LPAR1: variants seen among roughly 807,000 people sequenced by gnomAD.
LPAR1 encodes lysophosphatidic acid receptor 1, also known as LPA receptor 1.
Under a neutral mutation model 23.8 loss-of-function variants are expected in LPAR1, and 5 were observed. The ratio of observed to expected loss-of-function variants is 0.21; its 90% CI spans 0.11 to 0.44. LPAR1 has a LOEUF of 0.44. LPAR1 is among the 20% of genes least tolerant of loss of function. LPAR1 has a pLI of 0.99. For missense variants in LPAR1, 311 were observed against 482.8 expected (o/e 0.64, Z 3.33); for synonymous variants, 160 against 164.7 (o/e 0.97, Z 0.22).
intron 2 of LPAR1, among the ~76,000 whole-genome samples, chr9:110,980,122 C>G (rs932488992): frequency 6.6e-6 from 1 of 151,992 alleles, no homozygotes; most frequent in Middle Eastern, 3.2e-3. Context: ...AAATCATGAC[C>G]TAACTATACT....
intron 2 of LPAR1, among the ~76,000 whole-genome samples, chr9:111,007,806 A>G (rs563933846): frequency 6.6e-6 from 1 of 152,330 alleles, no homozygotes; most frequent in East Asian, 1.9e-4. Context: ...CTGTGCTAAC[A>G]TACCTATTGA....
chr9:110,910,278 T>C (rs1588269133), intron 5 of LPAR1, among the ~76,000 whole-genome samples: 2 of 152,270 alleles, frequency 1.3e-5, no homozygotes, highest in African/African-American at 4.8e-5. Context: ...TTAAGAATTA[T>C]ACTAGATCTA....
At position 110,974,043 on chromosome 9, in the gene LPAR1, C is replaced by T. The variant is rs2096492655; in HGVS notation, c.-181-485G>A. Among the ~76,000 whole-genome samples the T allele has an allele frequency of 2.6e-5, 4 of 152,046 alleles. No individual in the cohort carries two copies. The South Asian group carries it at 8.3e-4, about 31-fold the overall frequency. On this transcript the variant is annotated intron_variant, in intron 2 of 5. Coordinates refer to ENST00000683809, the MANE Select transcript of LPAR1 (RefSeq NM_001351411.2). ...AAAATTAGCTGGGCGTGGTGGCACACACCTACTCAGGAGGCTGAGGCAGGA... is the reference window on the plus strand; with the variant it reads ...AAAATTAGCTGGGCGTGGTGGCACATACCTACTCAGGAGGCTGAGGCAGGA...
intron 4 of LPAR1, among the ~76,000 whole-genome samples, chr9:110,953,286 G>A (rs1290830460): frequency 3.3e-5 from 5 of 152,092 alleles, no homozygotes; most frequent in Non-Finnish European, 5.9e-5. Flanking sequence ...TGAGGCTCAG[G>A]ACTGACCCAT....
intron 2 of LPAR1, among the ~76,000 whole-genome samples, chr9:111,005,715 C>T (rs2097207486): frequency 6.6e-6 from 1 of 152,086 alleles, no homozygotes; most frequent in African/African-American, 2.4e-5. Flanking sequence ...TCCTAGAAAA[C>T]ATCATGTTAC....
chr9:111,033,613 A>T (rs1274137184), intron 2 of LPAR1, among the ~76,000 whole-genome samples: 1 of 152,128 alleles, frequency 6.6e-6, no homozygotes, highest in Non-Finnish European at 1.5e-5. Context: ...GTGCAATGGC[A>T]CAATCTTGGC....
intron 2 of LPAR1, among the ~76,000 whole-genome samples, chr9:110,974,622 T>A (rs2096510833): frequency 6.6e-6 from 1 of 152,192 alleles, no homozygotes. Flanking sequence ...ATTATTTTCA[T>A]TCACAAATAA....
chr9:111,038,967 A>T (rs1488216598), upstream of LPAR1, among the ~76,000 whole-genome samples: 2 of 152,164 alleles, frequency 1.3e-5, no homozygotes, highest in African/African-American at 4.8e-5. This position sits in a 1 kb window ranked among gnomAD's most constrained non-coding sequence, Gnocchi z 4.4. Flanking sequence ...GCTCTGGAAA[A>T]CATCGCGGGG....
intron 2 of LPAR1, among the ~76,000 whole-genome samples, chr9:111,010,043 A>G (rs2097303448): frequency 3.5e-5 from 3 of 86,050 alleles, no homozygotes; most frequent in Admixed American, 2.4e-4. Context: ...ATATATATAT[A>G]TATGGATACA....
intron 4 of LPAR1, among the ~76,000 whole-genome samples, chr9:110,964,586 A>G (rs1382941464): frequency 1.3e-5 from 2 of 152,158 alleles, no homozygotes; most frequent in Admixed American, 6.5e-5. Flanking sequence ...TGTTGGCTAT[A>G]TTGAGATTGT....
At chr9:110,907,230 G>C (rs1184148625) in intron 5 of LPAR1, among the ~76,000 whole-genome samples, 1 of 152,104 alleles carries the variant, frequency 6.6e-6, no homozygotes, top group Non-Finnish European at 1.5e-5. Context: ...AAAAAATCAA[G>C]AGAGGAACAG....
chr9:110,912,076 T>C (rs925464318), intron 5 of LPAR1, among the ~76,000 whole-genome samples: 6 of 152,188 alleles, frequency 3.9e-5, no homozygotes, highest in Admixed American at 1.3e-4. Context: ...TCTGGGTTAC[T>C]GAGGGCTGTG....
chr9:110,911,400 A>T (rs1276693991), intron 5 of LPAR1, among the ~76,000 whole-genome samples: 1 of 152,150 alleles, frequency 6.6e-6, no homozygotes, highest in Non-Finnish European at 1.5e-5. Flanking sequence ...TACAAAAGCC[A>T]GGCATGGTGG....
chr9:110,952,682 G>A (rs1245772228), intron 4 of LPAR1, among the ~76,000 whole-genome samples: 1 of 152,088 alleles, frequency 6.6e-6, no homozygotes, highest in African/African-American at 2.4e-5. Context: ...ACCTGTCTGT[G>A]GTTGCTGCCA....
chr9:110,913,334 G>A (rs770365468), intron 5 of LPAR1, among the ~76,000 whole-genome samples: 3 of 152,086 alleles, frequency 2.0e-5, no homozygotes, highest in Non-Finnish European at 4.4e-5. Context: ...TTAAATACAG[G>A]TTTCCAACAG....
intron 2 of LPAR1, among the ~76,000 whole-genome samples, chr9:110,989,539 C>T (rs184805779): frequency 1.8e-3 from 273 of 152,134 alleles, no homozygotes; most frequent in African/African-American, 6.4e-3. Context: ...TAAAGGGGTA[C>T]GATGTCACTT....
intron 2 of LPAR1, among the ~76,000 whole-genome samples, chr9:110,982,913 G>T: frequency 7.1e-6 from 1 of 140,510 alleles, no homozygotes; most frequent in Non-Finnish European, 1.6e-5. Context: ...AACATGAAGA[G>T]ATGCTCAACA....
At chr9:111,004,913 C>T (rs977823539) in intron 2 of LPAR1, among the ~76,000 whole-genome samples, 3 of 152,116 alleles carry the variant, frequency 2.0e-5, no homozygotes, top group Non-Finnish European at 4.4e-5. Flanking sequence ...GTAATCTCAG[C>T]ATTTTGGGAG....
intron 2 of LPAR1, among the ~76,000 whole-genome samples, chr9:111,009,996 AAAATATATATATAT>A (rs1194504146): frequency 2.6e-4 from 28 of 108,972 alleles, no homozygotes; most frequent in African/African-American, 7.0e-4. Context: ...CATAATTAGG[AAAATATATATATAT>A]ATATATATAT....
Sources: gnomAD v4.1 joint callset for allele counts (sites outside exome capture counted in the v4.1 genomes callset) on GRCh38, gnomAD v4.1.1 for gene constraint, Gnocchi (gnomAD v3.1) non-coding constraint, MANE v1.5 for transcripts, NCBI Gene and HGNC (gene_info 2026-07-23, HGNC 2026-07-21) for gene names.